B3GNT5: variants seen among roughly 807,000 people sequenced by gnomAD.
The protein encoded by B3GNT5 is UDP-GlcNAc:betaGal beta-1,3-N-acetylglucosaminyltransferase 5.
A neutral mutation model predicts 25.9 loss-of-function variants in B3GNT5; 11 were observed. The observed-to-expected ratio is 0.42, with a 90% CI of 0.27 to 0.70. B3GNT5 has a LOEUF of 0.70. B3GNT5 is among the 30% of genes least tolerant of loss of function. B3GNT5 has a pLI of 0.23. For missense variants in B3GNT5, 385 were observed against 458.4 expected, an observed-to-expected ratio of 0.84 and a Z score of 1.46; for synonymous variants, 166 against 158.6, an observed-to-expected ratio of 1.05 and a Z score of -0.35.
At chr3:183,254,401 A>G (rs1030215735) in intron 1 of B3GNT5, among the ~76,000 whole-genome samples, 2 of 151,782 alleles carry the variant, frequency 1.3e-5, no homozygotes, top group South Asian at 4.1e-4. Context: ...CGCGGCGGAG[A>G]AGGAGGCTCG....
chr3:183,263,191 G>A lies in B3GNT5; in HGVS notation c.-301-6307G>A, dbSNP rs185351380. ...CTTCCTGGCTGATAAGGTGTCTTGA[G>A]TGTTGGGAGATCACATGATCAAAAT... On this transcript the variant is annotated intron_variant, in intron 1 of 1. Coordinates refer to ENST00000326505, the MANE Select transcript of B3GNT5 (RefSeq NM_032047.5). Among the ~76,000 whole-genome samples the A allele has an allele frequency of 2.6e-4, 39 of 152,300 alleles. No individual in the cohort carries two copies. In the East Asian group the frequency reaches 4.4e-3, roughly 17 times the overall value.
rs1726794663 is a variant in B3GNT5 at position 183,271,654 on chromosome 3, ACACATAAC to A, written c.*720_*727del. ...ATTTTTTTTTAAGTATTAGAAAATG[ACACATAAC>A]ACGGGCAGCTGGTTGCTCATAGGGT... On this transcript the variant is annotated 3_prime_UTR_variant, in exon 2 of 2. Coordinates refer to ENST00000326505, the MANE Select transcript of B3GNT5 (RefSeq NM_032047.5). The A allele has an allele frequency of 6.0e-6, 1 of 167,044 alleles. No individual in the cohort carries two copies. Among genetic ancestry groups the A allele is most frequent in the Non-Finnish European group, 1.5e-5 (1 of 68,104 alleles). The allele number at this position is 167,044 out of a possible 1,614,324, so 10.3% of individuals were successfully genotyped here.
chr3:183,255,909 T>C (rs1725005327), intron 1 of B3GNT5, among the ~76,000 whole-genome samples: 1 of 151,954 alleles, frequency 6.6e-6, no homozygotes, highest in African/African-American at 2.4e-5. Context: ...TTAAAATGGG[T>C]CACTTTGGCT....
chr3:183,270,402 A>G lies in B3GNT5; in HGVS notation c.604A>G (p.Asn202Asp), dbSNP rs753064388. 8 of 1,614,114 alleles carry G rather than the reference A, an allele frequency of 5.0e-6. No individual in the cohort carries two copies. Among genetic ancestry groups the G allele is most frequent in the Admixed American group, 1.7e-5 (1 of 60,006 alleles). ...ADDDIFIHMP[N>D]LIEYLQSLEQ... ...TGATGACATATTTATTCACATGCCA[A>G]ATCTGATTGAGTACCTTCAAAGTTT... The change falls in exon 2 of 2, where the codon AAT becomes GAT. Residue 202 changes from asparagine to aspartate, a missense_variant. Asn to Asp is a conservative substitution (Grantham distance 23). Coordinates refer to ENST00000326505, the MANE Select transcript of B3GNT5 (RefSeq NM_032047.5). This position sits in a 1 kb window ranked among gnomAD's most constrained non-coding sequence, Gnocchi z 4.5.
intron 1 of B3GNT5, among the ~76,000 whole-genome samples, chr3:183,264,483 CTT>C (rs1725916210): frequency 6.6e-6 from 1 of 152,234 alleles, no homozygotes; most frequent in African/African-American, 2.4e-5. Flanking sequence ...AGTGTAAATG[CTT>C]TGAGATTGGA....
Position 183,269,701 on chromosome 3 carries a change from A to C in B3GNT5, c.-98A>C, listed in dbSNP as rs1306579189. 8.2e-6 allele frequency: 9 copies of C among 1,096,466 alleles called. No individual in the cohort carries two copies. Among genetic ancestry groups the C allele is most frequent in the Admixed American group, 4.9e-5 (2 of 40,826 alleles). The allele number at this position is 1,096,466 out of a possible 1,614,324, so 67.9% of individuals were successfully genotyped here. ...CATTTTTAATGACCAACATGTATTA[A>C]GATGGACACCTACTCTACGAAACAC... On this transcript the variant is annotated 5_prime_UTR_variant, in exon 2 of 2. An upstream open reading frame in the 5' UTR loses its in-frame stop. Transcript: ENST00000326505.
At chr3:183,253,562 TG>T (rs1240649337) in intron 1 of B3GNT5, 90 bp downstream of exon 1, 1 of 152,310 alleles carries the variant, frequency 6.6e-6, no homozygotes, top group Non-Finnish European at 1.5e-5. Flanking sequence ...CCTAGTTTGC[TG>T]TAAGTTTCCT....
Position 183,269,685 on chromosome 3 carries a change from T to C in B3GNT5, c.-114T>C, listed in dbSNP as rs1481011607. 7 of 923,946 alleles carry C rather than the reference T, an allele frequency of 7.6e-6. No homozygotes were observed. The highest frequency in any genetic ancestry group is 1.1e-5 in the Non-Finnish European group (7 of 623,966). The allele number at this position is 923,946 out of a possible 1,614,324, so 57.2% of individuals were successfully genotyped here. ...AAAATAAGAAGACTTCCATTTTTAATGACCAACATGTATTAAGATGGACAC... is the reference window on the plus strand; with the variant it reads ...AAAATAAGAAGACTTCCATTTTTAACGACCAACATGTATTAAGATGGACAC... On this transcript the variant is annotated 5_prime_UTR_variant, in exon 2 of 2. It removes an upstream start codon present in the reference 5' UTR. Coordinates refer to ENST00000326505, the MANE Select transcript of B3GNT5 (RefSeq NM_032047.5).
chr3:183,254,718 C>T (rs1724877571), intron 1 of B3GNT5: 1 of 152,258 alleles, frequency 6.6e-6, no homozygotes, highest in Non-Finnish European at 1.5e-5. Context: ...GTCGAAAGCC[C>T]GTGTCGGGCT....
chr3:183,270,340 C>G lies in B3GNT5; in HGVS notation c.542C>G (p.Thr181Ser). The change falls in exon 2 of 2, where the codon ACC becomes AGC. Residue 181 changes from threonine (T) to serine (S), a missense_variant. By Grantham distance (58) the Thr-to-Ser change is moderately conservative. Transcript: ENST00000326505. The surrounding 1 kb of genome is among the most constrained non-coding windows in gnomAD (Gnocchi z 4.5). ...KLLMQFSWAN[T>S]YCPHAKFLMT... Reference sequence around the variant, plus strand: ...CTTATGCAGTTCAGTTGGGCAAATACCTATTGTCCACATGCCAAATTTCTT... The same window carrying G: ...CTTATGCAGTTCAGTTGGGCAAATAGCTATTGTCCACATGCCAAATTTCTT... The G allele has an allele frequency of 1.2e-6, 2 of 1,614,084 alleles. No individual in the cohort carries two copies. Among genetic ancestry groups the G allele is most frequent in the Non-Finnish European group, 1.7e-6 (2 of 1,179,952 alleles).
At position 183,269,825 on chromosome 3, in the gene B3GNT5, A is replaced by G. The variant is rs767217115; in HGVS notation, c.27A>G (p.Arg9=). ...TGAGAATGTTGGTTAGTGGCAGAAG[A>G]GTCAAAAAATGGCAGTTAATTATTC... MRMLVSGR[R]VKKWQLIIQL... is the part of the protein sequence containing the mutation. The change falls in exon 2 of 2, where the codon AGA becomes AGG. Residue 9 remains arginine (R), a synonymous_variant. Transcript: ENST00000326505. 1.5e-5 allele frequency: 24 copies of G among 1,610,374 alleles called. No individual in the cohort carries two copies. Among genetic ancestry groups the G allele is most frequent in the Non-Finnish European group, 2.0e-5 (23 of 1,178,252 alleles).
chr3:183,253,667 G>C (rs886807700), intron 1 of B3GNT5, 195 bp downstream of exon 1: 6 of 152,430 alleles, frequency 3.9e-5, no homozygotes, highest in African/African-American at 1.4e-4. Context: ...TAGAGCTCCC[G>C]CTCGGAAAGT....
rs146983135 is a variant in B3GNT5, at chr3:183,270,926, G to T, written c.1128G>T (p.Ala376=). 2 of 1,573,056 alleles carry T rather than the reference G, an allele frequency of 1.3e-6. No individual in the cohort carries two copies. Among genetic ancestry groups the T allele is most frequent in the Non-Finnish European group, 1.7e-6 (2 of 1,163,850 alleles). Residue 376 remains alanine (A), a synonymous_variant, in exon 2 of 2, where the codon GCG becomes GCT. Coordinates refer to ENST00000326505, the MANE Select transcript of B3GNT5 (RefSeq NM_032047.5). This position sits in a 1 kb window ranked among gnomAD's most constrained non-coding sequence, Gnocchi z 4.5. ...TGGACACATACCCTTGTAGGGCTGC[G>T]TTTATCTAATAGTACTTGAATGTTG... ...SYVDTYPCRA[A]FI is the part of the protein sequence containing the mutation.
intron 1 of B3GNT5, among the ~76,000 whole-genome samples, chr3:183,268,391 G>C (rs765903082): frequency 1.6e-4 from 25 of 152,128 alleles, no homozygotes; most frequent in Non-Finnish European, 3.1e-4. Flanking sequence ...GTGGAAGGTG[G>C]GCTGGCCAGG....
Position 183,256,628 on chromosome 3 carries a change from A to T in B3GNT5, c.-302+3156A>T, listed in dbSNP as rs1256719729. Among the ~76,000 whole-genome samples, 5 of 152,194 alleles carry T rather than the reference A, an allele frequency of 3.3e-5. No individual in the cohort carries two copies. In the East Asian group the frequency reaches 9.6e-4, roughly 29 times the overall value. On this transcript the variant is annotated intron_variant, in intron 1 of 1. Coordinates refer to ENST00000326505, the MANE Select transcript of B3GNT5 (RefSeq NM_032047.5). ...AAGCCCAAAAGTTCAAGTTCAAAAT[A>T]CTGTTCTACAGCCTAAGATCCACCT...
At position 183,270,898 on chromosome 3, in the gene B3GNT5, A is replaced by G. The variant is rs200554608; in HGVS notation, c.1100A>G (p.Tyr367Cys). 4 of 1,605,216 alleles carry G rather than the reference A, an allele frequency of 2.5e-6. No homozygotes were observed. Among genetic ancestry groups the G allele is most frequent in the East Asian group, 2.2e-5 (1 of 44,848 alleles). ...ATAATTCTCCTTTGTAAAATTAGCTATGTGGACACATACCCTTGTAGGGCT... is the reference window on the plus strand; with the variant it reads ...ATAATTCTCCTTTGTAAAATTAGCTGTGTGGACACATACCCTTGTAGGGCT... Reference protein sequence around the residue: ...MKIILLCKISYVDTYPCRAAF... With the variant: ...MKIILLCKISCVDTYPCRAAF... The change falls in exon 2 of 2, where the codon TAT becomes TGT. Residue 367 changes from tyrosine (Y) to cysteine (C), a missense_variant. Transcript: ENST00000326505. This position sits in a 1 kb window ranked among gnomAD's most constrained non-coding sequence, Gnocchi z 4.5.
intron 1 of B3GNT5, among the ~76,000 whole-genome samples, chr3:183,268,062 T>C (rs933397528): frequency 2.0e-5 from 3 of 152,116 alleles, no homozygotes; most frequent in South Asian, 2.1e-4. Flanking sequence ...AGGGAATGGG[T>C]TGATCCCAAT....
At position 183,272,952 on chromosome 3, in the gene B3GNT5, G is replaced by T; in HGVS notation, c.*2017G>T. 7.0e-7 allele frequency: 1 copy of T among 1,438,784 alleles called. No individual in the cohort carries two copies. Among genetic ancestry groups the T allele is most frequent in the Non-Finnish European group, 9.1e-7 (1 of 1,097,640 alleles). The allele number at this position is 1,438,784 out of a possible 1,614,324, so 89.1% of individuals were successfully genotyped here. On this transcript the variant is annotated 3_prime_UTR_variant, in exon 2 of 2. Coordinates refer to ENST00000326505, the MANE Select transcript of B3GNT5 (RefSeq NM_032047.5). Reference sequence around the variant, plus strand: ...GTCCTTTTAATTTTTGCTTAGAATAGAATGGAACAAGTTTAAATTTCAAGG... The same window carrying T: ...GTCCTTTTAATTTTTGCTTAGAATATAATGGAACAAGTTTAAATTTCAAGG...
At chr3:183,262,707 A>G (rs554871079) in intron 1 of B3GNT5, among the ~76,000 whole-genome samples, 4 of 140,756 alleles carry the variant, frequency 2.8e-5, no homozygotes, top group Non-Finnish European at 4.6e-5. Flanking sequence ...CAGGAGGTGA[A>G]GTCTTCAGGG....
Sources: allele counts gnomAD v4.1 joint callset (sites outside exome capture counted in the v4.1 genomes callset), GRCh38; gene constraint gnomAD v4.1.1; non-coding constraint Gnocchi (gnomAD v3.1); transcripts MANE v1.5; gene names NCBI Gene and HGNC (gene_info 2026-07-23, HGNC 2026-07-21).